The following CDH18 variants were observed in gnomAD, a reference collection of about 807,000 sequenced individuals.
CDH18 encodes cadherin 18, also known as cadherin-18.
A neutral mutation model predicts 67.9 loss-of-function variants in CDH18; 31 were observed. The observed-to-expected ratio is 0.46, with a 90% CI of 0.34 to 0.62. CDH18 has a LOEUF of 0.62. Ranked by LOEUF, CDH18 falls within the 20% of genes least tolerant of loss-of-function variation. CDH18 has a pLI of 0.01. For missense variants in CDH18, 890 were observed against 975.5 expected, an observed-to-expected ratio of 0.91 and a Z score of 1.17; for synonymous variants, 362 against 347.2, an observed-to-expected ratio of 1.04 and a Z score of -0.48.
intron 4 of CDH18, among the ~76,000 whole-genome samples, chr5:19,736,440 G>A (rs756547383): frequency 2.6e-5 from 4 of 151,804 alleles, no homozygotes; most frequent in Non-Finnish European, 5.9e-5. Flanking sequence ...GAATCACTAC[G>A]GAATAATATT....
chr5:19,785,709 T>A lies in CDH18; in HGVS notation c.229-38473A>T, dbSNP rs868475833. On this transcript the variant is annotated intron_variant, in intron 3 of 12. Coordinates refer to ENST00000382275, the MANE Select transcript of CDH18 (RefSeq NM_004934.5). ...ATATATATATATATATATATATATATATATATATATATATATGCATGCATC... is the reference window on the plus strand; with the variant it reads ...ATATATATATATATATATATATATAAATATATATATATATATGCATGCATC... Among the ~76,000 whole-genome samples the A allele has an allele frequency of 2.9e-3, 275 of 96,490 alleles. 8 individuals are homozygous for A. The highest frequency in any genetic ancestry group is 3.6e-3 in the Non-Finnish European group (180 of 50,168). The allele number at this position is 96,490 out of a possible 152,430, so 63.3% of individuals were successfully genotyped here. A position where few individuals can be genotyped will look rare whatever the true frequency, so the allele number is the denominator to read the frequency against.
At chr5:19,608,496 ACAACAGCTCCCCCCCCAAAAAAAAT>A (rs908031376) in intron 6 of CDH18, among the ~76,000 whole-genome samples, 1 of 151,526 alleles carries the variant, frequency 6.6e-6, no homozygotes, top group African/African-American at 2.4e-5. Flanking sequence ...AATAATAAAA[ACAACAGCTCCCCCCCCAAAAAAAAT>A]CAATGCCAAT....
At chr5:20,270,066 A>G (rs1745324835) in intron 1 of CDH18, among the ~76,000 whole-genome samples, 1 of 152,042 alleles carries the variant, frequency 6.6e-6, no homozygotes. Context: ...CAAGATGATG[A>G]CCTGAATGCT....
At chr5:20,296,136 A>G (rs1345594608) in intron 1 of CDH18, among the ~76,000 whole-genome samples, 1 of 151,338 alleles carries the variant, frequency 6.6e-6, no homozygotes, top group African/African-American at 2.4e-5. Context: ...AGCCTCCCAA[A>G]GTGCTGGGAT....
chr5:20,562,141 C>T (rs1294364081), intron 1 of CDH18, among the ~76,000 whole-genome samples: 18 of 151,600 alleles, frequency 1.2e-4, no homozygotes, highest in Admixed American at 1.2e-3. Flanking sequence ...AAATAGGTGA[C>T]CTACTTTACA....
intron 3 of CDH18, among the ~76,000 whole-genome samples, chr5:19,816,693 A>G (rs1036387160): frequency 2.6e-5 from 4 of 151,828 alleles, no homozygotes; most frequent in Non-Finnish European, 5.9e-5. Context: ...TAACATAAGC[A>G]ATTTCACTGC....
chr5:19,859,005 A>C (rs2149968453), intron 2 of CDH18, among the ~76,000 whole-genome samples: 1 of 152,300 alleles, frequency 6.6e-6, no homozygotes, highest in African/African-American at 2.4e-5. Flanking sequence ...ATTATGTATA[A>C]AAAGTGGCTT....
At chr5:19,710,039 G>T (rs566810891) in intron 5 of CDH18, among the ~76,000 whole-genome samples, 1 of 152,124 alleles carries the variant, frequency 6.6e-6, no homozygotes, top group Non-Finnish European at 1.5e-5. Context: ...GGAGGCTGAG[G>T]CAGGAGAATT....
chr5:19,553,492 G>T (rs1737824486), intron 8 of CDH18, among the ~76,000 whole-genome samples: 1 of 151,722 alleles, frequency 6.6e-6, no homozygotes, highest in Non-Finnish European at 1.5e-5. Context: ...GCAGGTACAA[G>T]ACATGAATGG....
At chr5:20,433,072 G>A (rs67895855) in intron 1 of CDH18, among the ~76,000 whole-genome samples, 32,945 of 149,792 alleles carry the variant, frequency 0.22, 3,799 homozygotes, top group East Asian at 0.3. Flanking sequence ...CACTATGTTA[G>A]TCACGGATTA....
intron 1 of CDH18, among the ~76,000 whole-genome samples, chr5:20,336,453 T>C (rs1739747027): frequency 6.6e-6 from 1 of 152,020 alleles, no homozygotes; most frequent in Non-Finnish European, 1.5e-5. Flanking sequence ...CTGGGCGCAG[T>C]GGTTCATGCC....
intron 3 of CDH18, among the ~76,000 whole-genome samples, chr5:19,825,996 G>T (rs558849038): frequency 6.6e-6 from 1 of 152,202 alleles, no homozygotes; most frequent in South Asian, 2.1e-4. Context: ...ATAATAAAAT[G>T]ATACTGGAGA....
At chr5:20,160,245 T>C (rs924417754) in intron 2 of CDH18, among the ~76,000 whole-genome samples, 19 of 152,356 alleles carry the variant, frequency 1.2e-4, no homozygotes, top group African/African-American at 4.3e-4. Flanking sequence ...CAGAGTATAG[T>C]TGTTGCATTT....
At chr5:19,725,486 A>G (rs984835523) in intron 4 of CDH18, among the ~76,000 whole-genome samples, 4 of 152,062 alleles carry the variant, frequency 2.6e-5, no homozygotes, top group African/African-American at 9.7e-5. Context: ...GCTTTCTTTG[A>G]AGGCCAGGCA....
chr5:20,516,371 A>G (rs985103432), intron 1 of CDH18, among the ~76,000 whole-genome samples: 2 of 152,014 alleles, frequency 1.3e-5, no homozygotes, highest in African/African-American at 4.8e-5. Context: ...CAAAAAACAA[A>G]TAAAATTCAA....
At chr5:20,360,964 A>G (rs1336845251) in intron 1 of CDH18, among the ~76,000 whole-genome samples, 1 of 152,118 alleles carries the variant, frequency 6.6e-6, no homozygotes, top group Non-Finnish European at 1.5e-5. Flanking sequence ...GTATTCAACC[A>G]TAAGTGATTT....
chr5:20,304,205 C>T (rs184304109), intron 1 of CDH18: 11 of 1,497,850 alleles, frequency 7.3e-6, no homozygotes, highest in East Asian at 2.3e-5. Context: ...TGTTGGCGTA[C>T]GTGGCATATT....
At chr5:20,256,433 A>C (rs994800065) in intron 1 of CDH18, among the ~76,000 whole-genome samples, 1 of 152,078 alleles carries the variant, frequency 6.6e-6, no homozygotes, top group Non-Finnish European at 1.5e-5. Context: ...TACAGAGGTC[A>C]AACAGATGCC....
At chr5:20,487,981 G>C (rs1307432297) in intron 1 of CDH18, among the ~76,000 whole-genome samples, 1 of 152,082 alleles carries the variant, frequency 6.6e-6, no homozygotes, top group Non-Finnish European at 1.5e-5. Context: ...TGAATTTGGA[G>C]TTGCTTTTAG....
Sources: allele counts gnomAD v4.1 joint callset (sites outside exome capture counted in the v4.1 genomes callset), GRCh38; gene constraint gnomAD v4.1.1; transcripts MANE v1.5; gene names NCBI Gene and HGNC (gene_info 2026-07-23, HGNC 2026-07-21).